DBT: variants seen among roughly 807,000 people sequenced by gnomAD.
DBT encodes the protein lipoamide acyltransferase component of branched-chain alpha-keto acid dehydrogenase complex, mitochondrial.
DBT carries 40 observed loss-of-function variants against 51.3 expected under a neutral mutation model. That is an observed-to-expected ratio of 0.78 (90% CI 0.61 to 1.02). The LOEUF is 1.02. Among genes scored for constraint, DBT ranks in the 50% least tolerant of loss-of-function variants. The pLI is 0.00. For synonymous variants in DBT, 181 were observed against 190.4 expected (o/e 0.95, Z 0.41); for missense variants, 510 against 580.2 (o/e 0.88, Z 1.24).
At chr1:100,207,686 A>C (rs968174113) in intron 8 of DBT, among the ~76,000 whole-genome samples, 1 of 151,970 alleles carries the variant, frequency 6.6e-6, no homozygotes, top group African/African-American at 2.4e-5. Context: ...TTAGCTACAA[A>C]AATTTTTTTT....
Position 100,227,420 on chromosome 1 carries a change from TACAGATAGCCCCAA to T in DBT, c.433+3299_433+3312del, listed in dbSNP as rs549059638. On this transcript the variant is annotated intron_variant, in intron 4 of 10. Transcript: ENST00000370132. ...ACAGGTAGCATACAGATAGCCCCAA[TACAGATAGCCCCAA>T]CTGATGAGAGGAGAAAGGTCCACTT... Among the ~76,000 whole-genome samples, 438 of 67,664 alleles carry T rather than the reference TACAGATAGCCCCAA, an allele frequency of 6.5e-3. 1 individual carries two copies. The highest frequency in any genetic ancestry group is 0.012 in the Non-Finnish European group (337 of 26,968). 44.4% of individuals were successfully genotyped at this position (67,664 alleles called of 152,430 possible).
Position 100,210,610 on chromosome 1 carries a change from G to A in DBT, c.1017+84C>T, listed in dbSNP as rs1347481355. 22 of 1,577,924 alleles carry A rather than the reference G, an allele frequency of 1.4e-5. No individual in the cohort carries two copies. The East Asian group carries it at 5.0e-4, about 36-fold the overall frequency. On this transcript the variant is annotated intron_variant, in intron 8 of 10. Transcript: ENST00000370132. ...TAGTCTAAAAAAGATCACTATTTGA[G>A]GTACAATAGAAGTCTCTAATCTACA... is the stretch of plus-strand genomic sequence containing the variant.
rs575291661 is a variant in DBT, at chr1:100,241,516, C to T, written c.52-632G>A. On this transcript the variant is annotated intron_variant, in intron 1 of 10. Coordinates refer to ENST00000370132, the MANE Select transcript of DBT (RefSeq NM_001918.5). ...GCTCAAGGGGTCCTCCTGCCTCAGCCTTCCAAGTATCTGGGACCACAGGCG... is the reference window on the plus strand; with the variant it reads ...GCTCAAGGGGTCCTCCTGCCTCAGCTTTCCAAGTATCTGGGACCACAGGCG... 1.8e-4 allele frequency among the ~76,000 whole-genome samples: 28 copies of T among 151,876 alleles called. 1 individual carries two copies. Among genetic ancestry groups the T allele is most frequent in the South Asian group, 4.2e-4 (2 of 4,818 alleles).
Position 100,195,014 on chromosome 1 carries a change from A to C in DBT, c.*1241T>G, listed in dbSNP as rs144220855. ...GACCTTTAACAAAATGATCATTATG[A>C]AACCTTCATTTCTATACAAAATTTC... On this transcript the variant is annotated 3_prime_UTR_variant, in exon 11 of 11. Coordinates refer to ENST00000370132, the MANE Select transcript of DBT (RefSeq NM_001918.5). 5 of 152,352 alleles carry C rather than the reference A, an allele frequency of 3.3e-5. No homozygotes were observed. The highest frequency in any genetic ancestry group is 1.2e-4 in the African/African-American group (5 of 41,580). The allele number at this position is 152,352 out of a possible 1,614,324, so 9.4% of individuals were successfully genotyped here.
rs1431230587 is a variant in DBT at position 100,187,490 on chromosome 1, T to C, written c.*8765A>G. ...TGCAAACTATGTAATACTTTGTTTG[T>C]AGGATATTAACCCAACTTTCTAATA... is the stretch of plus-strand genomic sequence containing the variant. On this transcript the variant is annotated 3_prime_UTR_variant, in exon 11 of 11. Transcript: ENST00000370132. 1.3e-5 allele frequency: 2 copies of C among 152,360 alleles called. No homozygotes were observed. The highest frequency in any genetic ancestry group is 4.8e-5 in the African/African-American group (2 of 41,580). The allele number at this position is 152,360 out of a possible 1,614,324, so 9.4% of individuals were successfully genotyped here.
At chr1:100,217,888 T>G (rs1449164964) in intron 5 of DBT, among the ~76,000 whole-genome samples, 3 of 152,182 alleles carry the variant, frequency 2.0e-5, no homozygotes, top group African/African-American at 7.2e-5. Context: ...GGTTTTGGAG[T>G]GATATAGACT....
At chr1:100,209,296 A>G (rs1162728362) in intron 8 of DBT, among the ~76,000 whole-genome samples, 2 of 151,394 alleles carry the variant, frequency 1.3e-5, no homozygotes, top group Admixed American at 1.3e-4. Flanking sequence ...GGGGCCTCCT[A>G]ACTTTGTTGC....
chr1:100,228,860 A>T (rs1663364246), intron 4 of DBT, among the ~76,000 whole-genome samples: 1 of 152,204 alleles, frequency 6.6e-6, no homozygotes, highest in African/African-American at 2.4e-5. Context: ...TATTTTGGTT[A>T]AAAAAATACC....
chr1:100,210,856 G>A, intron 7 of DBT, 85 bp from the exon 8 acceptor site: 1 of 1,582,724 alleles, frequency 6.3e-7, no homozygotes, highest in Non-Finnish European at 8.6e-7. Context: ...TATAAAAGGA[G>A]GGAGAGAGAG....
At chr1:100,211,618 A>T (rs1294371645) in intron 7 of DBT, among the ~76,000 whole-genome samples, 2 of 152,220 alleles carry the variant, frequency 1.3e-5, no homozygotes, top group Admixed American at 6.5e-5. Flanking sequence ...TGGGAAAAAA[A>T]TCAAATTCTT....
intron 10 of DBT, 60 bp downstream of exon 10, chr1:100,206,170 C>A: frequency 8.9e-7 from 1 of 1,121,372 alleles, no homozygotes; most frequent in Non-Finnish European, 1.4e-6. Context: ...GGTTACTCTT[C>A]ATTGTGTTTA....
intron 4 of DBT, among the ~76,000 whole-genome samples, chr1:100,224,313 TCTTG>T (rs1458500405): frequency 6.6e-6 from 1 of 152,192 alleles, no homozygotes; most frequent in Non-Finnish European, 1.5e-5. Context: ...TACTACAAAT[TCTTG>T]CTTAAGAAAA....
chr1:100,219,284 C>G (rs969940234), intron 4 of DBT, among the ~76,000 whole-genome samples: 1 of 151,456 alleles, frequency 6.6e-6, no homozygotes. Flanking sequence ...CCCAGGAGGT[C>G]GAGGCTGCAG....
chr1:100,210,472 G>GAA, intron 8 of DBT: 10 of 483,508 alleles, frequency 2.1e-5, no homozygotes, highest in East Asian at 4.2e-5. Context: ...TTTTAAGCAG[G>GAA]AAAAAAAAAA....
chr1:100,229,342 AT>A (rs1449010291), intron 4 of DBT, among the ~76,000 whole-genome samples: 1 of 151,182 alleles, frequency 6.6e-6, no homozygotes, highest in Non-Finnish European at 1.5e-5. Context: ...TAATTTTTGT[AT>A]TTTTAGTAGA....
chr1:100,218,628 T>C lies in DBT; in HGVS notation c.553A>G (p.Asn185Asp). ...PAVRRLAMENNIKLSEVVGSG... is the reference protein window; with the variant it reads ...PAVRRLAMENDIKLSEVVGSG... ...ACTTAAATATTAAGAGAACTTACATTGTTTTCCATTGCCAGACGGCGAACT... is the reference window on the plus strand; with the variant it reads ...ACTTAAATATTAAGAGAACTTACATCGTTTTCCATTGCCAGACGGCGAACT... The change falls in exon 5 of 11, where the codon AAT becomes GAT. Residue 185 changes from asparagine to aspartate, a missense_variant and splice_region_variant. Asn to Asp is a conservative substitution (Grantham distance 23, BLOSUM62 1). Transcript: ENST00000370132. 1 of 1,614,024 alleles carries C rather than the reference T, an allele frequency of 6.2e-7. No individual in the cohort carries two copies. Among genetic ancestry groups the C allele is most frequent in the Non-Finnish European group, 8.5e-7 (1 of 1,179,928 alleles).
chr1:100,216,899 G>A (rs1404773930), intron 5 of DBT, among the ~76,000 whole-genome samples: 1 of 152,134 alleles, frequency 6.6e-6, no homozygotes, highest in East Asian at 1.9e-4. Flanking sequence ...TATATAGTAT[G>A]TATTAATTTC....
At chr1:100,211,754 A>G (rs1198058193) in intron 7 of DBT, among the ~76,000 whole-genome samples, 3 of 152,178 alleles carry the variant, frequency 2.0e-5, no homozygotes, top group Non-Finnish European at 2.9e-5. Context: ...GAGTTCCTTA[A>G]TTTTTATGAC....
chr1:100,245,676 G>A (rs1428185076), intron 1 of DBT, among the ~76,000 whole-genome samples: 1 of 152,210 alleles, frequency 6.6e-6, no homozygotes, highest in East Asian at 1.9e-4. Flanking sequence ...AATTCAGCCA[G>A]GTGCAGTGAC....
Sources: allele counts gnomAD v4.1 joint callset (sites outside exome capture counted in the v4.1 genomes callset), GRCh38; gene constraint gnomAD v4.1.1; transcripts MANE v1.5; gene names NCBI Gene and HGNC (gene_info 2026-07-23, HGNC 2026-07-21).